Variants in WDR33 observed in about 807,000 individuals in gnomAD.
The protein encoded by WDR33 is WD repeat domain 33, also known as pre-mRNA 3' end processing protein WDR33.
WDR33 carries 47 observed loss-of-function variants against 164.9 expected under a neutral mutation model. The observed-to-expected ratio is 0.29, with a 90% CI of 0.23 to 0.36. The LOEUF (loss-of-function observed/expected upper bound fraction) is 0.36, where lower values mean the gene tolerates loss of function less well. WDR33 is among the 10% of genes least tolerant of loss of function. The probability of loss-of-function intolerance (pLI) is 1.00; values close to 1 mark genes in which losing one functional copy is unlikely to be tolerated. For missense variants in WDR33, 1,137 were observed against 1,754.1 expected, an observed-to-expected ratio of 0.65 and a Z score of 6.28; for synonymous variants, 505 against 589.0, an observed-to-expected ratio of 0.86 and a Z score of 2.06.
At chr2:127,750,710 ATATG>A (rs3991687) in intron 7 of WDR33, among the ~76,000 whole-genome samples, 1,231 of 57,164 alleles carry the variant, frequency 0.022, 46 homozygotes, top group South Asian at 0.08. Context: ...ATATATATAT[ATATG>A]TATGTATGCA....
At chr2:127,800,779 C>A (rs1558964442) in intron 1 of WDR33, among the ~76,000 whole-genome samples, 1 of 152,060 alleles carries the variant, frequency 6.6e-6, no homozygotes, top group Admixed American at 6.6e-5. Flanking sequence ...TAATTTAAAT[C>A]TATTCCTGTA....
In WDR33 at chr2:127,708,846, G is replaced by A. The variant is rs1686081584; in HGVS notation, c.3612C>T (p.Pro1204=). ...HFRDTPRPDH[P]PHDGHSPASR... is the part of the protein sequence containing the mutation. ...TGGCTGGGGAATGACCGTCGTGAGGGGGATGATCAGGGCGGGGAGTATCAC... is the reference window on the plus strand; with the variant it reads ...TGGCTGGGGAATGACCGTCGTGAGGAGGATGATCAGGGCGGGGAGTATCAC... Residue 1204 remains proline (P), a synonymous_variant, in exon 21 of 22, where the codon CCC becomes CCT. Coordinates refer to ENST00000322313, the MANE Select transcript of WDR33 (RefSeq NM_018383.5). The surrounding 1 kb of genome is among the most constrained non-coding windows in gnomAD (Gnocchi z 6.7). The A allele has an allele frequency of 2.5e-6, 4 of 1,609,474 alleles. No homozygotes were observed. The highest frequency in any genetic ancestry group is 1.3e-5 in the African/African-American group (1 of 74,846).
intron 1 of WDR33, among the ~76,000 whole-genome samples, chr2:127,787,415 C>G (rs1573460417): frequency 7.8e-6 from 1 of 127,982 alleles, no homozygotes; most frequent in Non-Finnish European, 1.6e-5. Context: ...AGGGGCTCCT[C>G]ACTTCCCAGT....
chr2:127,732,839 A>C (rs950799419), intron 7 of WDR33, among the ~76,000 whole-genome samples: 6 of 152,216 alleles, frequency 3.9e-5, no homozygotes, highest in Non-Finnish European at 8.8e-5. Context: ...TCATAGAAAA[A>C]AATGATTAAG....
At chr2:127,809,126 A>T (rs1689547384) in intron 1 of WDR33, among the ~76,000 whole-genome samples, 1 of 152,024 alleles carries the variant, frequency 6.6e-6, no homozygotes, top group African/African-American at 2.4e-5. Context: ...GCTTTTCTGT[A>T]ACCTTACTAT....
intron 7 of WDR33, among the ~76,000 whole-genome samples, chr2:127,732,188 T>C (rs1686728736): frequency 6.6e-6 from 1 of 151,280 alleles, no homozygotes. Flanking sequence ...TTTTTAAAAA[T>C]ATAAGTAAAG....
chr2:127,726,049 A>G lies in WDR33; in HGVS notation c.851+602T>C, dbSNP rs1686566182. On this transcript the variant is annotated intron_variant, in intron 8 of 21. Coordinates refer to ENST00000322313, the MANE Select transcript of WDR33 (RefSeq NM_018383.5). This position sits in a 1 kb window ranked among gnomAD's most constrained non-coding sequence, Gnocchi z 4.8. ...TTGGCATGGTCATTGGGGTTGTACA[A>G]CAAAGCAGCCTTGCTCCAACCAATT... Among the ~76,000 whole-genome samples the G allele has an allele frequency of 6.6e-6, 1 of 152,180 alleles. No homozygotes were observed. Among genetic ancestry groups the G allele is most frequent in the South Asian group, 2.1e-4 (1 of 4,836 alleles).
Position 127,741,412 on chromosome 2 carries a change from A to C in WDR33, c.725-14635T>G, listed in dbSNP as rs800860. Reference sequence around the variant, plus strand: ...TTAAGCACTCCACCTCAGAGTACAAACCACAACCCACTTACTTGATAAATG... The same window carrying C: ...TTAAGCACTCCACCTCAGAGTACAACCCACAACCCACTTACTTGATAAATG... On this transcript the variant is annotated intron_variant, in intron 7 of 21. Transcript: ENST00000322313. The surrounding 1 kb of genome is among the most constrained non-coding windows in gnomAD (Gnocchi z 4.1). Among the ~76,000 whole-genome samples the C allele has an allele frequency of 0.64, 97,970 of 152,038 alleles. 33,982 individuals are homozygous for C. The highest frequency in any genetic ancestry group is 0.9 in the African/African-American group (37,517 of 41,514).
chr2:127,788,800 ACC>A (rs1342523124), intron 1 of WDR33, among the ~76,000 whole-genome samples: 1 of 71,630 alleles, frequency 1.4e-5, no homozygotes, highest in African/African-American at 5.0e-5. Context: ...CGGGGGGTTG[ACC>A]CCCCCCCACC....
chr2:127,805,313 C>G (rs1432369603), intron 1 of WDR33, among the ~76,000 whole-genome samples: 1 of 151,728 alleles, frequency 6.6e-6, no homozygotes, highest in Non-Finnish European at 1.5e-5. Flanking sequence ...AACTCCTGGG[C>G]TCTAGCAATC....
At chr2:127,768,100 A>G (rs945285931) in intron 4 of WDR33, 89 bp downstream of exon 4, 2 of 769,670 alleles carry the variant, frequency 2.6e-6, no homozygotes, top group Admixed American at 7.8e-5. Context: ...TACTTTTAAA[A>G]TAATGTTTAA....
chr2:127,755,399 T>G (rs907918070), intron 7 of WDR33, among the ~76,000 whole-genome samples: 1 of 152,336 alleles, frequency 6.6e-6, no homozygotes, highest in East Asian at 1.9e-4. Context: ...GAATGACCTT[T>G]CACTCATGCA....
intron 7 of WDR33, among the ~76,000 whole-genome samples, chr2:127,754,346 G>C (rs889416029): frequency 3.3e-5 from 5 of 152,286 alleles, no homozygotes; most frequent in Non-Finnish European, 7.4e-5. Context: ...TCCCTGACAG[G>C]TAGGTGGCAA....
intron 1 of WDR33, among the ~76,000 whole-genome samples, chr2:127,808,655 G>C (rs181345265): frequency 6.6e-6 from 1 of 152,258 alleles, no homozygotes; most frequent in East Asian, 1.9e-4. Flanking sequence ...AGCACTTTGG[G>C]AGGCCCAGAC....
In WDR33 at chr2:127,722,687, T is replaced by C; in HGVS notation, c.1422A>G (p.Leu474=). The part of the protein sequence containing the change: ...SNEIEMTIPG[L]DWGMEEVMQK... The stretch of plus-strand genomic sequence containing the variant: ...GCATCACTTCCTCCATTCCCCAATC[T>C]AAACCTGGAATTGTCATTTCAATTT... The change falls in exon 14 of 22, where the codon TTA becomes TTG. Residue 474 remains leucine, a synonymous_variant. Transcript: ENST00000322313. This position sits in a 1 kb window ranked among gnomAD's most constrained non-coding sequence, Gnocchi z 5.1. The C allele has an allele frequency of 1.9e-6, 3 of 1,614,156 alleles. No individual in the cohort carries two copies. The highest frequency in any genetic ancestry group is 2.5e-6 in the Non-Finnish European group (3 of 1,180,002).
chr2:127,727,136 G>A (rs919630733), intron 7 of WDR33, among the ~76,000 whole-genome samples: 1 of 152,132 alleles, frequency 6.6e-6, no homozygotes, highest in African/African-American at 2.4e-5. Context: ...CACAATCCCT[G>A]TCACTCACTT....
intron 1 of WDR33, 110 bp from the exon 2 acceptor site, chr2:127,771,114 T>A: frequency 1.2e-6 from 1 of 820,196 alleles, no homozygotes; most frequent in Non-Finnish European, 1.9e-6. Flanking sequence ...CTAACGTGCA[T>A]CATTTCCACT....
Position 127,713,885 on chromosome 2 carries a change from C to A in WDR33, c.3006G>T (p.Arg1002Ser). The A allele has an allele frequency of 6.2e-7, 1 of 1,614,182 alleles. No individual in the cohort carries two copies. Among genetic ancestry groups the A allele is most frequent in the Non-Finnish European group, 8.5e-7 (1 of 1,180,010 alleles). ...CGGGGAAGTCTGGGTGAGGGCCACG[C>A]CTATCAGGGGGACCCCTGCAGTCCT... is the stretch of plus-strand genomic sequence containing the variant. ...GGQDCRGPPD[R>S]RGPHPDFPDD... Residue 1002 changes from arginine (R) to serine (S), a missense_variant, in exon 18 of 22, where the codon AGG becomes AGT. Physicochemically the swap from Arg to Ser is moderately radical, Grantham distance 110. Around this residue, in one of 9 missense-constraint regions of WDR33, gnomAD observed 867 missense variants for 1,073.0 expected, o/e 0.81. Transcript: ENST00000322313. This position sits in a 1 kb window ranked among gnomAD's most constrained non-coding sequence, Gnocchi z 6.2.
At chr2:127,715,277 G>A (rs1686273388) in intron 17 of WDR33, among the ~76,000 whole-genome samples, 3 of 151,878 alleles carry the variant, frequency 2.0e-5, no homozygotes, top group African/African-American at 4.8e-5. Context: ...TAGAGACGGG[G>A]TTTCACCATG....
Sources: gnomAD v4.1 joint callset for allele counts (sites outside exome capture counted in the v4.1 genomes callset) on GRCh38, gnomAD v4.1.1 for gene constraint, gnomAD v4.1.1 regional missense constraint, Gnocchi (gnomAD v3.1) non-coding constraint, MANE v1.5 for transcripts, NCBI Gene and HGNC (gene_info 2026-07-23, HGNC 2026-07-21) for gene names.